IKBKB: variants seen among roughly 807,000 people sequenced by gnomAD.
IKBKB encodes the protein inhibitor of nuclear factor kappa-B kinase subunit beta.
A neutral mutation model predicts 113.6 loss-of-function variants in IKBKB; 42 were observed. That is an observed-to-expected ratio of 0.37 (90% CI 0.29 to 0.48). The LOEUF is 0.48. Among genes scored for constraint, IKBKB ranks in the 20% least tolerant of loss-of-function variants. The pLI is 0.99. For missense variants in IKBKB, 673 were observed against 939.7 expected (o/e 0.72, Z 3.71); for synonymous variants, 296 against 361.3 (o/e 0.82, Z 2.05).
chr8:42,316,621 T>C lies in IKBKB; in HGVS notation c.931-89T>C, dbSNP rs529064629. On this transcript the variant is annotated intron_variant, in intron 10 of 21. Coordinates refer to ENST00000520810, the MANE Select transcript of IKBKB (RefSeq NM_001556.3). This position sits in a 1 kb window ranked among gnomAD's most constrained non-coding sequence, Gnocchi z 4.5. ...CCTTGCTTTGTGTGGTTGGGAAATGTTGGGAGTAGCAGAGAGAGGACCTAG... is the reference window on the plus strand; with the variant it reads ...CCTTGCTTTGTGTGGTTGGGAAATGCTGGGAGTAGCAGAGAGAGGACCTAG... 637 of 1,258,578 alleles carry C rather than the reference T, an allele frequency of 5.1e-4. 9 individuals carry two copies. The South Asian group carries it at 8.6e-3, about 17-fold the overall frequency. The allele number at this position is 1,258,578 out of a possible 1,614,324, so 78.0% of individuals were successfully genotyped here.
At chr8:42,279,828 GA>G (rs952024454) in intron 2 of IKBKB, among the ~76,000 whole-genome samples, 14 of 152,206 alleles carry the variant, frequency 9.2e-5, no homozygotes, top group African/African-American at 3.1e-4. Flanking sequence ...GCAGGAAGGG[GA>G]AAACACTTCT....
chr8:42,293,405 A>T (rs773904884), intron 4 of IKBKB, 38 bp from the exon 5 acceptor site: 1 of 1,613,092 alleles, frequency 6.2e-7, no homozygotes, highest in Non-Finnish European at 8.5e-7. Context: ...GTGGTTTGTG[A>T]CCACCAGCTC....
At chr8:42,319,079 T>C (rs557348607) in intron 13 of IKBKB, among the ~76,000 whole-genome samples, 191 bp from the exon 14 acceptor site, 11 of 152,320 alleles carry the variant, frequency 7.2e-5, no homozygotes, top group Admixed American at 2.0e-4. Context: ...TCAAGTTTAG[T>C]GCAGAACCTC....
At chr8:42,313,012 T>C (rs57674989) in intron 8 of IKBKB, among the ~76,000 whole-genome samples, 1 of 152,182 alleles carries the variant, frequency 6.6e-6, no homozygotes, top group African/African-American at 2.4e-5. Flanking sequence ...TAGTCCAAAT[T>C]GGGGGACTAA....
At chr8:42,300,194 CA>C (rs1814886739) in intron 5 of IKBKB, among the ~76,000 whole-genome samples, 1 of 152,230 alleles carries the variant, frequency 6.6e-6, no homozygotes, top group South Asian at 2.1e-4. Context: ...CCCATGTCCA[CA>C]GCTGGCCTTC....
intron 5 of IKBKB, among the ~76,000 whole-genome samples, chr8:42,299,635 C>T (rs1253670553): frequency 1.3e-5 from 2 of 152,178 alleles, no homozygotes; most frequent in South Asian, 4.1e-4. Context: ...TCGGAACCCA[C>T]CTGCCAACCT....
Position 42,331,100 on chromosome 8 carries a change from C to T in IKBKB, c.*121C>T, listed in dbSNP as rs199881086. On this transcript the variant is annotated 3_prime_UTR_variant, in exon 22 of 22. Transcript: ENST00000520810. ...GCCGCGTGACGTGGGGCTGCCTGGC[C>T]GCGGCTCTCACATGGTGGTTCCTGC... 18 of 1,474,060 alleles carry T rather than the reference C, an allele frequency of 1.2e-5. 1 individual carries two copies. Among genetic ancestry groups the T allele is most frequent in the African/African-American group, 5.6e-5 (4 of 72,026 alleles). 91.3% of individuals were successfully genotyped at this position (1,474,060 alleles called of 1,614,324 possible).
intron 16 of IKBKB, 79 bp downstream of exon 16, chr8:42,320,923 C>A: frequency 1.2e-6 from 1 of 836,928 alleles, no homozygotes. Flanking sequence ...GTCAAGGGCA[C>A]CCTCAGTGGC....
chr8:42,313,997 A>T (rs1818207808), intron 8 of IKBKB: 1 of 245,260 alleles, frequency 4.1e-6, no homozygotes, highest in African/African-American at 2.2e-5. Context: ...CCCAGTCAAC[A>T]ATTGACTGCA....
At chr8:42,286,587 T>C (rs190424573) in intron 2 of IKBKB, among the ~76,000 whole-genome samples, 1 of 152,300 alleles carries the variant, frequency 6.6e-6, no homozygotes, top group Admixed American at 6.5e-5. Context: ...CACCTCAGCC[T>C]CCTGAGTGGC....
chr8:42,327,735 C>T (rs13272008), intron 20 of IKBKB, among the ~76,000 whole-genome samples: 1 of 148,276 alleles, frequency 6.7e-6, no homozygotes, highest in South Asian at 2.2e-4. Flanking sequence ...TGGGTTCAAG[C>T]GATTCTCCTG....
chr8:42,315,698 T>C (rs185681558), intron 9 of IKBKB, among the ~76,000 whole-genome samples: 112 of 151,696 alleles, frequency 7.4e-4, no homozygotes, highest in African/African-American at 2.3e-3. Context: ...CTCCCTCTTG[T>C]CACCCAGGCT....
intron 19 of IKBKB, 75 bp downstream of exon 19, chr8:42,322,569 A>T (rs1819972113): frequency 8.7e-6 from 13 of 1,499,808 alleles, no homozygotes; most frequent in Non-Finnish European, 1.2e-5. Context: ...CACTGCCGCC[A>T]TCCCACACGG....
intron 7 of IKBKB, 134 bp from the exon 8 acceptor site, chr8:42,308,767 T>C: frequency 1.3e-6 from 1 of 782,212 alleles, no homozygotes; most frequent in Non-Finnish European, 2.1e-6. Flanking sequence ...TGGGGTGCCC[T>C]CCTCGCCCTG....
In IKBKB at chr8:42,277,744, G is replaced by C. The variant is rs370382745; in HGVS notation, c.105+5539G>C. Among the ~76,000 whole-genome samples the C allele has an allele frequency of 9.8e-5, 15 of 152,288 alleles. No homozygotes were observed. The East Asian group carries it at 1.7e-3, about 18-fold the overall frequency. On this transcript the variant is annotated intron_variant, in intron 2 of 21. Coordinates refer to ENST00000520810, the MANE Select transcript of IKBKB (RefSeq NM_001556.3). ...TCTCCCGGTGAGTTCCTCTGGGCTG[G>C]TTCCTGTGCCGCCCTTCCTGTCTGC... is the stretch of plus-strand genomic sequence containing the variant.
Position 42,319,620 on chromosome 8 carries a change from G to A in IKBKB, c.1552G>A (p.Glu518Lys), listed in dbSNP as rs1378740755. The change falls in exon 15 of 22, where the codon GAG (glutamate) becomes AAG (lysine). Residue 518 changes from glutamate (E) to lysine (K), a missense_variant. Glu to Lys is a moderately conservative substitution (Grantham distance 56). This residue lies in a region of IKBKB where 506 missense variants were observed against 638.7 expected (regional missense o/e 0.79). Coordinates refer to ENST00000520810, the MANE Select transcript of IKBKB (RefSeq NM_001556.3). ...ACTGCTGCTGGCCTGGAGGGAAATG[G>A]AGCAGGCTGTGGAGCTCTGTGGGCG... ...DKLLLAWREM[E>K]QAVELCGREN... The A allele has an allele frequency of 2.5e-6, 4 of 1,596,222 alleles. No individual in the cohort carries two copies. In the Admixed American group the frequency reaches 7.2e-5, roughly 29 times the overall value.
intron 19 of IKBKB, chr8:42,325,122 G>A: frequency 1.6e-6 from 1 of 629,382 alleles, no homozygotes; most frequent in Non-Finnish European, 2.0e-6. Context: ...GGACCATGCA[G>A]GGCAGAGATC....
intron 2 of IKBKB, among the ~76,000 whole-genome samples, chr8:42,281,950 T>C (rs993281348): frequency 3.3e-5 from 5 of 152,198 alleles, no homozygotes; most frequent in Non-Finnish European, 7.3e-5. Context: ...GTTTCTCCTG[T>C]GACTGGGTCT....
intron 20 of IKBKB, 25 bp from the exon 21 acceptor site, chr8:42,329,099 C>G: frequency 6.3e-7 from 1 of 1,583,208 alleles, no homozygotes; most frequent in East Asian, 2.3e-5. Flanking sequence ...TGACCACTTT[C>G]TAATAATTTG....
Sources: allele counts gnomAD v4.1 joint callset (sites outside exome capture counted in the v4.1 genomes callset), GRCh38; gene constraint gnomAD v4.1.1; regional missense constraint gnomAD v4.1.1; non-coding constraint Gnocchi (gnomAD v3.1); transcripts MANE v1.5; gene names NCBI Gene and HGNC (gene_info 2026-07-23, HGNC 2026-07-21).